Variants in CREBRF observed in about 807,000 individuals in gnomAD.
The protein encoded by CREBRF is UPF0474 protein C5orf41.
In CREBRF, 5 loss-of-function variants were observed where a neutral mutation model predicts 66.1. The ratio of observed to expected loss-of-function variants is 0.08; its 90% CI spans 0.04 to 0.16. The LOEUF (loss-of-function observed/expected upper bound fraction) is 0.16. Ranked by LOEUF, CREBRF falls within the 10% of genes least tolerant of loss-of-function variation. The probability of loss-of-function intolerance (pLI) is 1.00; values close to 1 mark genes in which losing one functional copy is unlikely to be tolerated. For synonymous variants in CREBRF, 229 were observed against 264.4 expected, an observed-to-expected ratio of 0.87 and a Z score of 1.30; for missense variants, 531 against 744.9, an observed-to-expected ratio of 0.71 and a Z score of 3.34.
At chr5:173,105,761 G>C (rs555830940) in intron 4 of CREBRF, among the ~76,000 whole-genome samples, 1 of 152,046 alleles carries the variant, frequency 6.6e-6, no homozygotes, top group African/African-American at 2.4e-5. Context: ...ACCGTGCCTG[G>C]CCATGAGGGC....
chr5:173,117,236 C>G (rs1053139198), intron 7 of CREBRF, among the ~76,000 whole-genome samples: 2 of 151,810 alleles, frequency 1.3e-5, no homozygotes, highest in Admixed American at 1.3e-4. Flanking sequence ...AAAAATTAGC[C>G]AGGCTTGGTG....
intron 1 of CREBRF, among the ~76,000 whole-genome samples, chr5:173,064,917 C>T (rs944923667): frequency 1.3e-5 from 2 of 151,816 alleles, no homozygotes; most frequent in Non-Finnish European, 2.9e-5. Context: ...CTATGTTTCC[C>T]AGGCTGGTCT....
chr5:173,060,694 C>G (rs1406783113), intron 1 of CREBRF, among the ~76,000 whole-genome samples: 1 of 149,146 alleles, frequency 6.7e-6, no homozygotes, highest in Non-Finnish European at 1.5e-5. Context: ...ATAATTGGTT[C>G]TGATTATTTT....
chr5:173,065,672 T>C (rs1226443141), intron 1 of CREBRF, among the ~76,000 whole-genome samples: 7 of 150,036 alleles, frequency 4.7e-5, no homozygotes, highest in Middle Eastern at 3.2e-3. Context: ...CTTCTTCTTT[T>C]TTTTTTTTTT....
At chr5:173,095,975 C>CT (rs200749818) in intron 4 of CREBRF, among the ~76,000 whole-genome samples, 140 of 150,116 alleles carry the variant, frequency 9.3e-4, no homozygotes, top group Admixed American at 4.1e-3. Context: ...ATGGTGAAGT[C>CT]TTTTCTTTTT....
Position 173,108,596 on chromosome 5 carries a change from C to A in CREBRF, c.1223-28C>A, listed in dbSNP as rs769174659. The A allele has an allele frequency of 1.9e-6, 3 of 1,584,316 alleles. No homozygotes were observed. In the South Asian group the frequency reaches 3.5e-5, roughly 19 times the overall value. On this transcript the variant is annotated intron_variant, in intron 4 of 8. Transcript: ENST00000296953. ...GATTGATTTATTGAAATTTATGGAG[C>A]TTAAAAATTGCGGGACCTTTTTTTA...
At chr5:173,100,021 C>T (rs191089986) in intron 4 of CREBRF, among the ~76,000 whole-genome samples, 2 of 149,006 alleles carry the variant, frequency 1.3e-5, no homozygotes, top group African/African-American at 5.0e-5. Context: ...ATTCTCCTGC[C>T]TTAGCCTCCC....
At chr5:173,123,856 A>C (rs932891514) in intron 8 of CREBRF, 1 of 152,202 alleles carries the variant, frequency 6.6e-6, no homozygotes, top group Non-Finnish European at 1.5e-5. Flanking sequence ...ATTGAAAACA[A>C]TCAGGTGAAG....
chr5:173,077,325 T>TG (rs1694007144), intron 1 of CREBRF, among the ~76,000 whole-genome samples: 1 of 152,194 alleles, frequency 6.6e-6, no homozygotes, highest in Admixed American at 6.6e-5. Flanking sequence ...ATTTTAATCA[T>TG]CTTTAGCTGT....
At chr5:173,121,880 G>A (rs1759146960) in intron 7 of CREBRF, among the ~76,000 whole-genome samples, 1 of 152,016 alleles carries the variant, frequency 6.6e-6, no homozygotes, top group South Asian at 2.1e-4. Flanking sequence ...GTTGGAGATG[G>A]GGTCTCACTG....
chr5:173,132,085 C>CTT (rs34701764), intron 8 of CREBRF, among the ~76,000 whole-genome samples: 5 of 124,538 alleles, frequency 4.0e-5, no homozygotes, highest in South Asian at 5.2e-4. Flanking sequence ...AAATATATTT[C>CTT]TTTTTTTTTT....
intron 8 of CREBRF, among the ~76,000 whole-genome samples, chr5:173,128,235 C>A (rs539788945): frequency 2.0e-5 from 3 of 151,980 alleles, no homozygotes; most frequent in Non-Finnish European, 4.4e-5. Flanking sequence ...CCCAAGAATT[C>A]TTTGAGAGAG....
rs56812993 is a variant in CREBRF at position 173,073,980 on chromosome 5, A to AAAATAAATAAATAAAT, written c.-191-6591_-191-6576dup. Reference sequence around the variant, plus strand: ...GACTCCGTCTAAAAAATAAAAAATAAAAATAAATAAATAAATAAATAAATA... The same window carrying AAAATAAATAAATAAAT: ...GACTCCGTCTAAAAAATAAAAAATAAAAATAAATAAATAAATAAATAAATAAATAAATAAATAAATA... On this transcript the variant is annotated intron_variant, in intron 1 of 8. Coordinates refer to ENST00000296953, the MANE Select transcript of CREBRF (RefSeq NM_153607.3). Among the ~76,000 whole-genome samples, 1,471 of 150,048 alleles carry AAAATAAATAAATAAAT rather than the reference A, an allele frequency of 9.8e-3. 9 individuals are homozygous for AAAATAAATAAATAAAT. The highest frequency in any genetic ancestry group is 0.017 in the Middle Eastern group (5 of 290).
chr5:173,069,859 A>G (rs1757547168), intron 1 of CREBRF, among the ~76,000 whole-genome samples: 1 of 152,002 alleles, frequency 6.6e-6, no homozygotes, highest in African/African-American at 2.4e-5. Context: ...AGTATATTTC[A>G]TGCTGCTTTT....
At chr5:173,122,896 A>G (rs895617004) in intron 7 of CREBRF, among the ~76,000 whole-genome samples, 184 bp from the exon 8 acceptor site, 7 of 150,410 alleles carry the variant, frequency 4.7e-5, no homozygotes, top group Non-Finnish European at 7.4e-5. Flanking sequence ...ATGATTTCCA[A>G]TTTCATCCAT....
intron 8 of CREBRF, among the ~76,000 whole-genome samples, chr5:173,130,173 G>A (rs1463548307): frequency 6.6e-6 from 1 of 152,130 alleles, no homozygotes; most frequent in East Asian, 1.9e-4. Context: ...ATTTATTCTG[G>A]AGGTTGTACT....
At chr5:173,086,082 A>T in intron 2 of CREBRF, 2 of 839,686 alleles carry the variant, frequency 2.4e-6, no homozygotes, top group Non-Finnish European at 4.2e-6. Context: ...ACCAATCATA[A>T]CTGTGACTGC....
At chr5:173,123,324 C>G in intron 8 of CREBRF, 122 bp downstream of exon 8, 1 of 849,488 alleles carries the variant, frequency 1.2e-6, no homozygotes, top group Non-Finnish European at 1.8e-6. Context: ...TGTAATTACT[C>G]TCCTTTATGA....
At chr5:173,060,723 CTTTT>C (rs756443330) in intron 1 of CREBRF, among the ~76,000 whole-genome samples, 34 of 135,832 alleles carry the variant, frequency 2.5e-4, no homozygotes, top group Admixed American at 5.2e-4. Flanking sequence ...GGTTGACAGA[CTTTT>C]TTTTTTTTTT....
Sources: gnomAD v4.1 joint callset for allele counts (sites outside exome capture counted in the v4.1 genomes callset) on GRCh38, gnomAD v4.1.1 for gene constraint, MANE v1.5 for transcripts, NCBI Gene and HGNC (gene_info 2026-07-23, HGNC 2026-07-21) for gene names.